The following OSBPL9 variants were observed in gnomAD, a reference collection of about 807,000 sequenced individuals.
OSBPL9 encodes oxysterol-binding protein-related protein 9.
A neutral mutation model predicts 106.6 loss-of-function variants in OSBPL9; 40 were observed. The observed-to-expected ratio is 0.38, with a 90% CI of 0.29 to 0.49. The LOEUF (loss-of-function observed/expected upper bound fraction) is 0.49. OSBPL9 is among the 20% of genes least tolerant of loss of function. The pLI is 0.97. For synonymous variants in OSBPL9, 269 were observed against 295.4 expected, an observed-to-expected ratio of 0.91 and a Z score of 0.92; for missense variants, 609 against 887.2, an observed-to-expected ratio of 0.69 and a Z score of 3.98.
intron 1 of OSBPL9, among the ~76,000 whole-genome samples, chr1:51,640,611 G>C (rs930015334): frequency 1.3e-5 from 2 of 152,110 alleles, no homozygotes; most frequent in Non-Finnish European, 2.9e-5. Flanking sequence ...TGGGAGTGTT[G>C]AATAGCTTGA....
the OSBPL9 span, among the ~76,000 whole-genome samples, chr1:51,562,336 G>A: frequency 3.9e-3 from 590 of 152,118 alleles, 1 homozygote; most frequent in Non-Finnish European, 6.1e-3. Flanking sequence ...TGCTCCCACC[G>A]TGTGAGAAAC....
At chr1:51,787,265 A>T (rs1288034388) in intron 22 of OSBPL9, 88 bp from the exon 23 acceptor site, 2 of 1,323,840 alleles carry the variant, frequency 1.5e-6, no homozygotes, top group Non-Finnish European at 2.1e-6. Context: ...CAGCACTTAA[A>T]GCCATTTGAC....
chr1:51,674,432 C>G (rs1376649103), intron 3 of OSBPL9, among the ~76,000 whole-genome samples: 1 of 152,174 alleles, frequency 6.6e-6, no homozygotes, highest in African/African-American at 2.4e-5. Context: ...TTGTGCCTCA[C>G]TGTCAGCATC....
chr1:51,784,671 AAAG>A (rs1270095772), intron 20 of OSBPL9, 89 bp downstream of exon 20: 12 of 1,422,830 alleles, frequency 8.4e-6, no homozygotes, highest in Non-Finnish European at 1.2e-5. Flanking sequence ...TAGGAGTGTG[AAAG>A]AATGGTTCTG....
intron 12 of OSBPL9, among the ~76,000 whole-genome samples, chr1:51,767,963 T>TG (rs1553189345): frequency 3.7e-5 from 5 of 136,448 alleles, no homozygotes; most frequent in African/African-American, 5.6e-5. Context: ...TTTTTTTTTT[T>TG]GAGACACAGT....
intron 1 of OSBPL9, chr1:51,583,811 T>A (rs1245924912): frequency 6.6e-6 from 1 of 152,112 alleles, no homozygotes; most frequent in Admixed American, 6.6e-5. Flanking sequence ...GGCCAAGTTT[T>A]CATATTCAAG....
intron 14 of OSBPL9, among the ~76,000 whole-genome samples, chr1:51,774,248 T>C (rs746273712): frequency 6.6e-6 from 1 of 152,178 alleles, no homozygotes; most frequent in Non-Finnish European, 1.5e-5. Flanking sequence ...AAGTTTGTAA[T>C]TCTTGCCTCA....
chr1:51,622,947 A>G (rs558117869), intron 1 of OSBPL9, among the ~76,000 whole-genome samples: 59 of 152,368 alleles, frequency 3.9e-4, no homozygotes, highest in Non-Finnish European at 7.4e-4. Context: ...AGGGATTGGC[A>G]GAGGAAAAAA....
intron 1 of OSBPL9, among the ~76,000 whole-genome samples, chr1:51,646,314 G>T (rs1196684205): frequency 6.6e-6 from 1 of 152,044 alleles, no homozygotes; most frequent in Non-Finnish European, 1.5e-5. Flanking sequence ...GTAGTTTTCA[G>T]TGTACAAGTC....
At chr1:51,690,107 C>G (rs925952797) in intron 3 of OSBPL9, among the ~76,000 whole-genome samples, 1 of 152,178 alleles carries the variant, frequency 6.6e-6, no homozygotes, top group African/African-American at 2.4e-5. Context: ...TTCTAGATTT[C>G]AAAATTAAGA....
At chr1:51,661,940 T>A (rs1273237946) in intron 2 of OSBPL9, among the ~76,000 whole-genome samples, 1 of 152,110 alleles carries the variant, frequency 6.6e-6, no homozygotes, top group African/African-American at 2.4e-5. Flanking sequence ...CTAAGGGCCT[T>A]GTAGGCTAGG....
chr1:51,551,178 C>T, the OSBPL9 span, among the ~76,000 whole-genome samples: 161 of 152,280 alleles, frequency 1.1e-3, no homozygotes, highest in Middle Eastern at 6.8e-3. Context: ...ATTGTACCAA[C>T]CTCATGAATA....
At chr1:51,603,653 C>T (rs1037148905) in intron 2 of OSBPL9, among the ~76,000 whole-genome samples, 13 of 152,216 alleles carry the variant, frequency 8.5e-5, no homozygotes, top group South Asian at 4.1e-4. Context: ...TATTATTCTG[C>T]GCCAATATTT....
chr1:51,718,520 C>A (rs1266712200), intron 4 of OSBPL9, among the ~76,000 whole-genome samples: 2 of 152,052 alleles, frequency 1.3e-5, no homozygotes, highest in Non-Finnish European at 2.9e-5. Flanking sequence ...TTTGCTATCA[C>A]CTTTAGAATT....
the OSBPL9 span, chr1:51,519,325 G>GGGCT: frequency 2.5e-6 from 1 of 395,056 alleles, no homozygotes. Context: ...GGCGAGGCCG[G>GGGCT]GGCGGGCGGG....
chr1:51,625,983 T>C (rs1644742592), intron 1 of OSBPL9, among the ~76,000 whole-genome samples: 2 of 152,232 alleles, frequency 1.3e-5, no homozygotes, highest in South Asian at 4.1e-4. Flanking sequence ...AAAAGTTGAT[T>C]GTCTATTTCT....
intron 3 of OSBPL9, among the ~76,000 whole-genome samples, chr1:51,703,676 G>A (rs370033230): frequency 2.0e-5 from 3 of 152,164 alleles, no homozygotes; most frequent in African/African-American, 4.8e-5. Context: ...CCAACACTAT[G>A]TTGAATAGGA....
chr1:51,625,406 T>C (rs1032952533), intron 1 of OSBPL9, among the ~76,000 whole-genome samples: 1 of 152,192 alleles, frequency 6.6e-6, no homozygotes, highest in African/African-American at 2.4e-5. Context: ...AGTGTACAAG[T>C]GATTTAGATT....
chr1:51,716,899 C>G (rs900363356), intron 4 of OSBPL9, among the ~76,000 whole-genome samples: 1 of 152,052 alleles, frequency 6.6e-6, no homozygotes, highest in East Asian at 1.9e-4. Flanking sequence ...ACAAAACTCC[C>G]CCCACCCACT....
Sources: allele counts gnomAD v4.1 joint callset (sites outside exome capture counted in the v4.1 genomes callset), GRCh38; gene constraint gnomAD v4.1.1; transcripts MANE v1.5; gene names NCBI Gene and HGNC (gene_info 2026-07-23, HGNC 2026-07-21).